NXPH2: variants seen among roughly 807,000 people sequenced by gnomAD.
NXPH2 encodes neurexophilin 2.
A neutral mutation model predicts 19.8 loss-of-function variants in NXPH2; 5 were observed. The ratio of observed to expected loss-of-function variants is 0.25; its 90% CI spans 0.13 to 0.53. NXPH2 has a LOEUF of 0.53. Ranked by LOEUF, NXPH2 falls within the 20% of genes least tolerant of loss-of-function variation. The pLI is 0.96. For missense variants in NXPH2, 289 were observed against 322.8 expected (o/e 0.90, Z 0.80); for synonymous variants, 154 against 127.4 (o/e 1.21, Z -1.41).
At chr2:138,680,992 G>A (rs1573951704) in intron 1 of NXPH2, among the ~76,000 whole-genome samples, 1 of 152,150 alleles carries the variant, frequency 6.6e-6, no homozygotes, top group East Asian at 1.9e-4. Flanking sequence ...CTGACTTGCA[G>A]CTACCAGCTA....
chr2:138,684,822 C>A (rs1236645641), intron 1 of NXPH2, among the ~76,000 whole-genome samples: 1 of 152,202 alleles, frequency 6.6e-6, no homozygotes, highest in Non-Finnish European at 1.5e-5. Context: ...CAGAGTCATG[C>A]TCCCTTCATT....
At chr2:138,746,851 G>A (rs1225529912) in intron 1 of NXPH2, among the ~76,000 whole-genome samples, 1 of 152,054 alleles carries the variant, frequency 6.6e-6, no homozygotes, top group Non-Finnish European at 1.5e-5. Flanking sequence ...TTTTCTCAAA[G>A]AAATTTCCTA....
At chr2:138,708,256 G>A (rs144948700) in intron 1 of NXPH2, among the ~76,000 whole-genome samples, 280 of 152,270 alleles carry the variant, frequency 1.8e-3, no homozygotes, top group African/African-American at 6.3e-3. Flanking sequence ...CGTCACACAC[G>A]CTGCCCACTT....
At chr2:138,737,094 A>G (rs75695642) in intron 1 of NXPH2, among the ~76,000 whole-genome samples, 25,780 of 151,988 alleles carry the variant, frequency 0.17, 2,266 homozygotes, top group East Asian at 0.24. Context: ...AGCCCTCCAA[A>G]TTGTTCCAAC....
chr2:138,671,060 A>G lies in NXPH2; in HGVS notation c.657T>C (p.His219=). The change falls in exon 2 of 2, where the codon CAT becomes CAC. Residue 219 remains histidine (H), a synonymous_variant. Transcript: ENST00000272641. ...AGGGCTTGGAGCACAACCAAGACAC[A>G]TGGCTCTGAGTCTGCTCCTGGTAGC... ...KICYQEQTQS[H]VSWLCSKPFK... 6 of 1,614,040 alleles carry G rather than the reference A, an allele frequency of 3.7e-6. No homozygotes were observed. The highest frequency in any genetic ancestry group is 4.2e-6 in the Non-Finnish European group (5 of 1,179,888).
chr2:138,717,960 G>T (rs983484186), intron 1 of NXPH2, among the ~76,000 whole-genome samples: 5 of 151,978 alleles, frequency 3.3e-5, no homozygotes, highest in Non-Finnish European at 5.9e-5. Context: ...TCAAGTTATT[G>T]ATCTAGAAGC....
At chr2:138,749,142 A>C (rs140965369) in intron 1 of NXPH2, among the ~76,000 whole-genome samples, 3 of 152,174 alleles carry the variant, frequency 2.0e-5, no homozygotes, top group African/African-American at 7.2e-5. Flanking sequence ...CTATTATCAC[A>C]ATAGTGAGTG....
At chr2:138,686,752 C>T (rs1309843879) in intron 1 of NXPH2, among the ~76,000 whole-genome samples, 3 of 152,064 alleles carry the variant, frequency 2.0e-5, no homozygotes, top group Non-Finnish European at 4.4e-5. Flanking sequence ...CTTCCTGTGT[C>T]CGTGTGTTCT....
chr2:138,676,120 C>T (rs892712884), intron 1 of NXPH2, among the ~76,000 whole-genome samples: 8 of 152,176 alleles, frequency 5.3e-5, no homozygotes. Flanking sequence ...CTTTAAAATA[C>T]ACGTACAGTT....
rs57428467 is a variant in NXPH2 at position 138,726,519 on chromosome 2, A to AACACAC, written c.51+53666_51+53671dup. Among the ~76,000 whole-genome samples, 388 of 146,554 alleles carry AACACAC rather than the reference A, an allele frequency of 2.6e-3. 3 individuals carry two copies. The highest frequency in any genetic ancestry group is 7.6e-3 in the African/African-American group (302 of 39,528). The stretch of plus-strand genomic sequence containing the variant: ...CTTTTTGGAAAAAAGTAAAAAAAGA[A>AACACAC]ACACACACACACACACACACACACA... On this transcript the variant is annotated intron_variant, in intron 1 of 1. Coordinates refer to ENST00000272641, the MANE Select transcript of NXPH2 (RefSeq NM_007226.3).
chr2:138,753,037 A>C (rs1681849261), intron 1 of NXPH2, among the ~76,000 whole-genome samples: 1 of 152,052 alleles, frequency 6.6e-6, no homozygotes, highest in Non-Finnish European at 1.5e-5. Flanking sequence ...CCCTTTTCAT[A>C]CGGTATTGTC....
At chr2:138,739,356 T>TAC (rs1667695589) in intron 1 of NXPH2, among the ~76,000 whole-genome samples, 1 of 152,120 alleles carries the variant, frequency 6.6e-6, no homozygotes, top group Admixed American at 6.5e-5. Context: ...AAATTATAAG[T>TAC]ACACACACAC....
intron 1 of NXPH2, among the ~76,000 whole-genome samples, chr2:138,770,623 G>A (rs1201756740): frequency 1.3e-5 from 2 of 151,914 alleles, no homozygotes; most frequent in Non-Finnish European, 2.9e-5. Context: ...ACTGAGTTCA[G>A]AAATAGAACA....
intron 1 of NXPH2, among the ~76,000 whole-genome samples, chr2:138,740,843 G>A (rs527977614): frequency 6.6e-6 from 1 of 151,778 alleles, no homozygotes; most frequent in East Asian, 2.0e-4. Context: ...GAAATGGTAT[G>A]CATGAAGCCA....
At chr2:138,765,870 G>C (rs1292318517) in intron 1 of NXPH2, among the ~76,000 whole-genome samples, 1 of 152,100 alleles carries the variant, frequency 6.6e-6, no homozygotes, top group African/African-American at 2.4e-5. Flanking sequence ...ACCAATATTT[G>C]TGATTGCCAA....
intron 1 of NXPH2, among the ~76,000 whole-genome samples, chr2:138,764,346 G>C (rs1682061612): frequency 6.6e-6 from 1 of 152,152 alleles, no homozygotes; most frequent in South Asian, 2.1e-4. Context: ...CTGGTGCTTT[G>C]GTTCCAGCCC....
chr2:138,698,747 G>A (rs1476485444), intron 1 of NXPH2, among the ~76,000 whole-genome samples: 2 of 152,152 alleles, frequency 1.3e-5, no homozygotes, highest in South Asian at 2.1e-4. Context: ...CCAGCTACTT[G>A]GGAGATGGAG....
intron 1 of NXPH2, among the ~76,000 whole-genome samples, chr2:138,706,620 T>A (rs1681018025): frequency 6.6e-6 from 1 of 152,166 alleles, no homozygotes. Context: ...GTTCTTTATA[T>A]GAAAATTAAG....
chr2:138,740,158 C>A (rs1573973295), intron 1 of NXPH2, among the ~76,000 whole-genome samples: 1 of 152,302 alleles, frequency 6.6e-6, no homozygotes, highest in Middle Eastern at 3.4e-3. Context: ...GACCTGGCCA[C>A]AGGAGATCCT....
Sources: gnomAD v4.1 joint callset for allele counts (sites outside exome capture counted in the v4.1 genomes callset) on GRCh38, gnomAD v4.1.1 for gene constraint, MANE v1.5 for transcripts, NCBI Gene and HGNC (gene_info 2026-07-23, HGNC 2026-07-21) for gene names.